The following ADGRG4 variants were observed in gnomAD, a reference collection of about 807,000 sequenced individuals.
ADGRG4 encodes G protein-coupled receptor 112.
In ADGRG4, 122 loss-of-function variants were observed where a neutral mutation model predicts 126.2. The ratio of observed to expected loss-of-function variants is 0.97; its 90% CI spans 0.83 to 1.12. ADGRG4 has a LOEUF of 1.12. Among genes scored for constraint, ADGRG4 ranks in the 50% most tolerant of loss-of-function variants. The probability of loss-of-function intolerance (pLI) is 0.00; values close to 1 mark genes in which losing one functional copy is unlikely to be tolerated. For synonymous variants in ADGRG4, 943 were observed against 838.7 expected, an observed-to-expected ratio of 1.12 and a Z score of -2.15; for missense variants, 2,481 against 2,251.8, an observed-to-expected ratio of 1.10 and a Z score of -2.06.
intron 14 of ADGRG4, 146 bp downstream of exon 14, chrX:136,371,690 C>G (rs2148481511): frequency 5.0e-6 from 2 of 396,167 alleles, no homozygotes; most frequent in East Asian, 8.1e-5. Context: ...CGATACTGAA[C>G]AAGTACAGAA....
intron 4 of ADGRG4, among the ~76,000 whole-genome samples, chrX:136,315,001 C>T (rs1195070585): frequency 9.0e-6 from 1 of 111,650 alleles, no homozygotes; most frequent in Non-Finnish European, 1.9e-5. Flanking sequence ...GAACTCTTGG[C>T]AGGCCACAAA....
At chrX:136,327,856 A>C (rs1376337245) in intron 5 of ADGRG4, among the ~76,000 whole-genome samples, 1 of 111,088 alleles carries the variant, frequency 9.0e-6, no homozygotes, top group Non-Finnish European at 1.9e-5. Flanking sequence ...ATTCATTGAA[A>C]ATTAATTGAC....
At chrX:136,337,063 C>T (rs1468988575) in intron 5 of ADGRG4, among the ~76,000 whole-genome samples, 1 of 111,021 alleles carries the variant, frequency 9.0e-6, no homozygotes, top group Non-Finnish European at 1.9e-5. Context: ...CTCCTGGGCT[C>T]AAGTAATCCT....
At position 136,348,186 on chromosome X, in the gene ADGRG4, G is replaced by A. The variant is rs771332598; in HGVS notation, c.4480G>A (p.Val1494Ile). The change falls in exon 6 of 26, where the codon GTA (valine) becomes ATA (isoleucine). Residue 1494 changes from valine (V) to isoleucine (I), a missense_variant. Physicochemically the swap from Val to Ile is conservative, Grantham distance 29. Transcript: ENST00000394143. ...RITTAFSVPNVPTMLPRESSM... is the reference protein window; with the variant it reads ...RITTAFSVPNIPTMLPRESSM... Reference sequence around the variant, plus strand: ...CACTACAGCCTTTTCTGTTCCAAATGTACCTACAATGCTTCCTAGAGAATC... The same window carrying A: ...CACTACAGCCTTTTCTGTTCCAAATATACCTACAATGCTTCCTAGAGAATC... 5 of 1,207,300 alleles carry A rather than the reference G, an allele frequency of 4.1e-6. No homozygotes were observed. The highest frequency in any genetic ancestry group is 1.7e-5 in the African/African-American group (1 of 57,570).
chrX:136,355,744 A>G (rs2075089544), intron 8 of ADGRG4, among the ~76,000 whole-genome samples: 1 of 112,404 alleles, frequency 8.9e-6, no homozygotes, highest in Non-Finnish European at 1.9e-5. Flanking sequence ...TCAGGCCAAT[A>G]CATGCAGATA....
intron 5 of ADGRG4, among the ~76,000 whole-genome samples, chrX:136,340,973 A>G (rs1423765868): frequency 2.7e-5 from 3 of 112,338 alleles, no homozygotes; most frequent in Non-Finnish European, 3.8e-5. Flanking sequence ...TTGCTGAAAT[A>G]TACAAACCCA....
rs1603294730 is a variant in ADGRG4 at position 136,346,237 on chromosome X, C to T, written c.2531C>T (p.Ala844Val). The change falls in exon 6 of 26, where the codon GCA becomes GTA. Residue 844 changes from alanine (A) to valine (V), a missense_variant. Transcript: ENST00000394143. ...AATGCCACTGTGACAAGAAAAGAAG[C>T]AACTTCCCATTATCTTATGAGAAAA... ...RLNATVTRKEATSHYLMRKST... is the reference protein window; with the variant it reads ...RLNATVTRKEVTSHYLMRKST... 3 of 1,209,400 alleles carry T rather than the reference C, an allele frequency of 2.5e-6. No individual in the cohort carries two copies.
intron 15 of ADGRG4, among the ~76,000 whole-genome samples, chrX:136,385,927 C>A (rs1181133834): frequency 9.0e-6 from 1 of 111,707 alleles, no homozygotes; most frequent in Non-Finnish European, 1.9e-5. Flanking sequence ...GCTTTCCATT[C>A]CAGATGTCCA....
At chrX:136,351,219 A>G (rs1183806666) in intron 6 of ADGRG4, among the ~76,000 whole-genome samples, 1 of 111,675 alleles carries the variant, frequency 9.0e-6, no homozygotes, top group Non-Finnish European at 1.9e-5. Flanking sequence ...CTAGAAATCA[A>G]GGAAGTGCCC....
At chrX:136,391,231 G>A (rs146520552) in intron 16 of ADGRG4, among the ~76,000 whole-genome samples, 1 of 111,161 alleles carries the variant, frequency 9.0e-6, no homozygotes, top group East Asian at 2.8e-4. Flanking sequence ...TGTCATCTGC[G>A]TTCACGTCCT....
chrX:136,323,078 T>C lies in ADGRG4; in HGVS notation c.371T>C (p.Leu124Ser), dbSNP rs2074849598. 3 of 1,209,016 alleles carry C rather than the reference T, an allele frequency of 2.5e-6. No homozygotes were observed. Among genetic ancestry groups the C allele is most frequent in the Non-Finnish European group, 2.2e-6 (2 of 894,415 alleles). ...LASFQWHTICLIWDGVKGKLE... is the reference protein window; with the variant it reads ...LASFQWHTICSIWDGVKGKLE... ...TCATTTCAATGGCATACAATATGCT[T>C]GATATGGGATGGTGTGAAGGGCAAA... Residue 124 changes from leucine to serine, a missense_variant, in exon 5 of 26, where the codon TTG (leucine) becomes TCG (serine). By Grantham distance (145) the Leu-to-Ser change is moderately radical. Coordinates refer to ENST00000394143, the MANE Select transcript of ADGRG4 (RefSeq NM_153834.4).
intron 5 of ADGRG4, among the ~76,000 whole-genome samples, chrX:136,334,400 T>C (rs1202789214): frequency 1.8e-5 from 2 of 111,745 alleles, no homozygotes; most frequent in Admixed American, 1.9e-4. Flanking sequence ...CTAACCTTAT[T>C]CTTCTTTTCA....
rs143602746 is a variant in ADGRG4 at position 136,383,376 on chromosome X, C to G, written c.7777-4364C>G. Among the ~76,000 whole-genome samples, 557 of 111,470 alleles carry G rather than the reference C, an allele frequency of 5.0e-3. 4 individuals are homozygous for G. Among genetic ancestry groups the G allele is most frequent in the South Asian group, 0.027 (72 of 2,620 alleles). ...TTGTCTTTCTAATACTAATCCTACC[C>G]CTAAACATATTTATCATTATTAAAT... On this transcript the variant is annotated intron_variant, in intron 15 of 25. Coordinates refer to ENST00000394143, the MANE Select transcript of ADGRG4 (RefSeq NM_153834.4).
intron 4 of ADGRG4, among the ~76,000 whole-genome samples, chrX:136,313,975 A>T (rs953459427): frequency 2.7e-5 from 3 of 111,437 alleles, no homozygotes; most frequent in Non-Finnish European, 5.7e-5. Context: ...ATGCAAACTT[A>T]GGGGCTATCT....
rs146346070 is a variant in ADGRG4, at chrX:136,331,694, T to C, written c.685+8302T>C. ...TCATGATGTTGAACATCTTTTCCTG[T>C]GCTTATGTGCCGTCTTCCTGTGTTC... On this transcript the variant is annotated intron_variant, in intron 5 of 25. Transcript: ENST00000394143. 1.0e-2 allele frequency among the ~76,000 whole-genome samples: 1,117 copies of C among 112,256 alleles called. 11 individuals are homozygous for C. Among genetic ancestry groups the C allele is most frequent in the Non-Finnish European group, 0.014 (763 of 53,242 alleles).
At chrX:136,366,888 G>T (rs1002573984) in intron 13 of ADGRG4, among the ~76,000 whole-genome samples, 1 of 75,170 alleles carries the variant, frequency 1.3e-5, no homozygotes, top group South Asian at 6.2e-4. Context: ...AAATTCATAC[G>T]TTGAAATTCT....
chrX:136,390,935 G>T (rs1158513485), intron 16 of ADGRG4, among the ~76,000 whole-genome samples: 1 of 110,483 alleles, frequency 9.1e-6, no homozygotes, highest in African/African-American at 3.3e-5. Flanking sequence ...AGGAACAAGA[G>T]AGCTAGGGTT....
intron 13 of ADGRG4, among the ~76,000 whole-genome samples, chrX:136,364,062 C>T (rs1351758292): frequency 9.0e-6 from 1 of 111,206 alleles, no homozygotes. Context: ...CCACCTGCCT[C>T]AGCCTCCCAA....
intron 11 of ADGRG4, among the ~76,000 whole-genome samples, chrX:136,360,497 C>A (rs2075121694): frequency 9.0e-6 from 1 of 111,342 alleles, no homozygotes; most frequent in African/African-American, 3.3e-5. Context: ...AATCCCAGAA[C>A]TTTGGGAGGG....
Sources: allele counts gnomAD v4.1 joint callset (sites outside exome capture counted in the v4.1 genomes callset), GRCh38; gene constraint gnomAD v4.1.1; transcripts MANE v1.5; gene names NCBI Gene and HGNC (gene_info 2026-07-23, HGNC 2026-07-21).